Variants in MAP3K21 observed in about 807,000 individuals in gnomAD.
The protein encoded by MAP3K21 is mitogen-activated protein kinase kinase kinase 21.
MAP3K21 carries 63 observed loss-of-function variants against 86.1 expected under a neutral mutation model. The observed-to-expected ratio is 0.73, with a 90% confidence interval of 0.60 to 0.90. The LOEUF is 0.90. Ranked by LOEUF, MAP3K21 falls within the 40% of genes least tolerant of loss-of-function variation. The probability of loss-of-function intolerance (pLI) is 0.00; values close to 1 mark genes in which losing one functional copy is unlikely to be tolerated. For synonymous variants in MAP3K21, 558 were observed against 564.8 expected (o/e 0.99, Z 0.17); for missense variants, 1,220 against 1,367.7 (o/e 0.89, Z 1.70).
At chr1:233,371,199 T>C (rs542420395) in intron 5 of MAP3K21, among the ~76,000 whole-genome samples, 1 of 152,344 alleles carries the variant, frequency 6.6e-6, no homozygotes, top group Non-Finnish European at 1.5e-5. Flanking sequence ...TTTTCTGTTT[T>C]ATTCAACACC....
At chr1:233,329,226 C>T (rs1662765866) in intron 1 of MAP3K21, among the ~76,000 whole-genome samples, 2 of 152,260 alleles carry the variant, frequency 1.3e-5, no homozygotes, top group South Asian at 2.1e-4. Context: ...CGTCTTCACC[C>T]GGTGGCCTTC....
At chr1:233,336,205 C>T (rs1362565058) in intron 1 of MAP3K21, among the ~76,000 whole-genome samples, 1 of 152,010 alleles carries the variant, frequency 6.6e-6, no homozygotes, top group African/African-American at 2.4e-5. Flanking sequence ...TTTGGAAAAT[C>T]TTGGAATATA....
Position 233,379,455 on chromosome 1 carries a change from A to G in MAP3K21, c.2449A>G (p.Ser817Gly). 4 of 1,614,194 alleles carry G rather than the reference A, an allele frequency of 2.5e-6. No individual in the cohort carries two copies. Among genetic ancestry groups the G allele is most frequent in the African/African-American group, 1.3e-5 (1 of 75,044 alleles). The part of the protein sequence containing the change: ...FSTKCLLQMD[S>G]EDPLVDSAPV... Reference sequence around the variant, plus strand: ...CACAAAGTGCCTGCTGCAGATGGACAGTGAAGATCCACTGGTGGACAGTGC... The same window carrying G: ...CACAAAGTGCCTGCTGCAGATGGACGGTGAAGATCCACTGGTGGACAGTGC... Residue 817 changes from serine to glycine, a missense_variant, in exon 9 of 10, where the codon AGT becomes GGT. Ser to Gly is a moderately conservative substitution (Grantham distance 56). Transcript: ENST00000366624.
chr1:233,365,388 G>A (rs913938974), intron 5 of MAP3K21, among the ~76,000 whole-genome samples: 1 of 152,182 alleles, frequency 6.6e-6, no homozygotes, highest in Non-Finnish European at 1.5e-5. Flanking sequence ...TCTGACAAGG[G>A]ACTAGCACAG....
chr1:233,339,268 C>CTTCCTCT (rs1390932387), intron 1 of MAP3K21, among the ~76,000 whole-genome samples: 20 of 19,860 alleles, frequency 1.0e-3, no homozygotes, highest in African/African-American at 3.3e-3. Flanking sequence ...CTTCTTCTTC[C>CTTCCTCT]TCTTCTTCTT....
In MAP3K21 at chr1:233,379,090, C is replaced by G. The variant is rs202108267; in HGVS notation, c.2084C>G (p.Ala695Gly). ...GAAAGCTGGGAGGAGGCAGCCTCTGCGAATGCTGCCACAGTCTCCATTGAG... is the reference window on the plus strand; with the variant it reads ...GAAAGCTGGGAGGAGGCAGCCTCTGGGAATGCTGCCACAGTCTCCATTGAG... ...EAESWEEAAS[A>G]NAATVSIEMT... The change falls in exon 9 of 10, where the codon GCG (alanine) becomes GGG (glycine). Residue 695 changes from alanine to glycine, a missense_variant. Physicochemically the swap from Ala to Gly is moderately conservative, Grantham distance 60 (BLOSUM62 0). Around this residue, in one of 5 missense-constraint regions of MAP3K21, gnomAD observed 632 missense variants for 691.3 expected, o/e 0.91. Coordinates refer to ENST00000366624, the MANE Select transcript of MAP3K21 (RefSeq NM_032435.3). The G allele has an allele frequency of 1.2e-6, 2 of 1,614,170 alleles. No individual in the cohort carries two copies. Among genetic ancestry groups the G allele is most frequent in the Non-Finnish European group, 1.7e-6 (2 of 1,180,022 alleles).
chr1:233,354,718 G>A, intron 3 of MAP3K21, 118 bp from the exon 4 acceptor site: 1 of 816,160 alleles, frequency 1.2e-6, no homozygotes, highest in African/African-American at 1.7e-5. Context: ...ACTATAAATG[G>A]AAGCTTCCAG....
rs1392881557 is a variant in MAP3K21 at position 233,328,245 on chromosome 1, G to T, written c.217G>T (p.Ala73Ser). The change falls in exon 1 of 10, where the codon GCC becomes TCC. Residue 73 changes from alanine (A) to serine (S), a missense_variant. Physicochemically the swap from Ala to Ser is moderately conservative, Grantham distance 99. This residue lies in a region of MAP3K21 where 369 missense variants were observed against 385.3 expected (regional missense o/e 0.96). Coordinates refer to ENST00000366624, the MANE Select transcript of MAP3K21 (RefSeq NM_032435.3). This position sits in a 1 kb window ranked among gnomAD's most constrained non-coding sequence, Gnocchi z 8.7. ...GGTGGAGGTGCTGTCGCAGGACGCC[G>T]CCGTGTCGGGCGACGAGGGCTGGTG... ...QLVEVLSQDA[A>S]VSGDEGWWAG... The T allele has an allele frequency of 3.4e-6, 5 of 1,489,750 alleles. No individual in the cohort carries two copies. The highest frequency in any genetic ancestry group is 2.2e-5 in the Admixed American group (1 of 44,782). 92.3% of individuals were successfully genotyped at this position (1,489,750 alleles called of 1,614,324 possible). A position where few individuals can be genotyped will look rare whatever the true frequency, so the allele number is the denominator to read the frequency against.
intron 9 of MAP3K21, among the ~76,000 whole-genome samples, chr1:233,381,095 G>C (rs898904097): frequency 6.6e-6 from 1 of 152,200 alleles, no homozygotes; most frequent in Non-Finnish European, 1.5e-5. Flanking sequence ...TATTTGGTAA[G>C]TTTGTGATGC....
intron 1 of MAP3K21, among the ~76,000 whole-genome samples, chr1:233,330,246 C>T (rs553352198): frequency 1.7e-3 from 265 of 152,300 alleles, no homozygotes; most frequent in Non-Finnish European, 2.5e-3. Flanking sequence ...CCCCCCAAGT[C>T]TCTCTATAAT....
chr1:233,368,692 C>G (rs546626269), intron 5 of MAP3K21, among the ~76,000 whole-genome samples: 14 of 151,916 alleles, frequency 9.2e-5, no homozygotes, highest in African/African-American at 3.4e-4. Context: ...GATGGAGGAG[C>G]CTCCCATTTG....
intron 1 of MAP3K21, among the ~76,000 whole-genome samples, chr1:233,337,662 A>T (rs1489782445): frequency 6.6e-6 from 1 of 152,190 alleles, no homozygotes; most frequent in African/African-American, 2.4e-5. Flanking sequence ...ATGAGGAAAC[A>T]GTTCTGAGCC....
chr1:233,362,532 A>G (rs1359201459), intron 5 of MAP3K21, among the ~76,000 whole-genome samples: 1 of 152,240 alleles, frequency 6.6e-6, no homozygotes, highest in African/African-American at 2.4e-5. Flanking sequence ...TCTAACCCTC[A>G]GCGTACTTTC....
Position 233,379,661 on chromosome 1 carries a change from T to G in MAP3K21, c.2655T>G (p.His885Gln), listed in dbSNP as rs1289916992. The G allele has an allele frequency of 5.6e-6, 9 of 1,613,702 alleles. No homozygotes were observed. In the Admixed American group the frequency reaches 1.5e-4, roughly 27 times the overall value. ...TACCTTACTGTGCTTCTTCAAAACATAGACCGTCACATCACAGACGGACCA... is the reference window on the plus strand; with the variant it reads ...TACCTTACTGTGCTTCTTCAAAACAGAGACCGTCACATCACAGACGGACCA... ...GNVPYCASSK[H>Q]RPSHHRRTMS... The change falls in exon 9 of 10, where the codon CAT becomes CAG. Residue 885 changes from histidine to glutamine, a missense_variant. Physicochemically the swap from His to Gln is conservative, Grantham distance 24 (BLOSUM62 0). Coordinates refer to ENST00000366624, the MANE Select transcript of MAP3K21 (RefSeq NM_032435.3).
chr1:233,348,913 A>G lies in MAP3K21; in HGVS notation c.986+2291A>G, dbSNP rs531248118. 8.5e-5 allele frequency among the ~76,000 whole-genome samples: 13 copies of G among 152,310 alleles called. No homozygotes were observed. The South Asian group carries it at 2.7e-3, about 32-fold the overall frequency. The stretch of plus-strand genomic sequence containing the variant: ...TTTTTCCTTTTAAATCTTTGGAAAC[A>G]CTAGAAGTTAGTCCCTCAAATTCAC... On this transcript the variant is annotated intron_variant, in intron 2 of 9. Transcript: ENST00000366624.
chr1:233,352,404 G>A lies in MAP3K21; in HGVS notation c.987-1403G>A, dbSNP rs370693402. On this transcript the variant is annotated intron_variant, in intron 2 of 9. Coordinates refer to ENST00000366624, the MANE Select transcript of MAP3K21 (RefSeq NM_032435.3). The stretch of plus-strand genomic sequence containing the variant: ...AGCCATCCTACAGTGCGTTAAAACA[G>A]GGGTACTTATTCCTATTATCTGGCT... Among the ~76,000 whole-genome samples the A allele has an allele frequency of 5.9e-5, 9 of 151,964 alleles. 1 individual carries two copies. The highest frequency in any genetic ancestry group is 9.6e-5 in the African/African-American group (4 of 41,462).
intron 5 of MAP3K21, among the ~76,000 whole-genome samples, chr1:233,369,250 T>C (rs910088662): frequency 3.2e-5 from 4 of 123,946 alleles, no homozygotes; most frequent in African/African-American, 1.2e-4. Flanking sequence ...ATTAGCCAGG[T>C]GTGGTGGTGT....
intron 5 of MAP3K21, 34 bp downstream of exon 5, chr1:233,362,327 T>G: frequency 6.2e-7 from 1 of 1,606,272 alleles, no homozygotes; most frequent in South Asian, 1.1e-5. Context: ...TGAAAGATTT[T>G]TGTGTGTCCT....
intron 5 of MAP3K21, 122 bp from the exon 6 acceptor site, chr1:233,371,916 C>A: frequency 1.1e-6 from 1 of 917,110 alleles, no homozygotes; most frequent in Non-Finnish European, 1.6e-6. Context: ...GAAATCGATC[C>A]TGCAATATTC....
Sources: gnomAD v4.1 joint callset for allele counts (sites outside exome capture counted in the v4.1 genomes callset) on GRCh38, gnomAD v4.1.1 for gene constraint, gnomAD v4.1.1 regional missense constraint, Gnocchi (gnomAD v3.1) non-coding constraint, MANE v1.5 for transcripts, NCBI Gene and HGNC (gene_info 2026-07-23, HGNC 2026-07-21) for gene names.